The following NHSL3 variants were observed in gnomAD, a reference collection of about 807,000 sequenced individuals.
NHSL3 encodes NHS like 3, also known as NHS-like protein 3.
chr1:32,766,494 C>T, the NHSL3 span, among the ~76,000 whole-genome samples: 1 of 152,056 alleles, frequency 6.6e-6, no homozygotes, highest in African/African-American at 2.4e-5. Context: ...ACCGTTTCCC[C>T]ACTTGTAAAA....
At chr1:32,745,635 A>T in the NHSL3 span, among the ~76,000 whole-genome samples, 2 of 151,440 alleles carry the variant, frequency 1.3e-5, no homozygotes, top group African/African-American at 4.9e-5. Flanking sequence ...CTGGCAGGTT[A>T]TTCACCCCTC....
the NHSL3 span, among the ~76,000 whole-genome samples, chr1:32,757,726 G>A: frequency 5.9e-5 from 9 of 152,270 alleles, no homozygotes; most frequent in East Asian, 5.8e-4. Flanking sequence ...AGCTGAGTTC[G>A]GAGAAGTGAA....
At chr1:32,749,435 A>C in the NHSL3 span, among the ~76,000 whole-genome samples, 1 of 152,170 alleles carries the variant, frequency 6.6e-6, no homozygotes, top group African/African-American at 2.4e-5. Context: ...AGAGATGGGC[A>C]TCTCCGGATC....
chr1:32,749,812 T>C, the NHSL3 span, among the ~76,000 whole-genome samples: 24 of 152,168 alleles, frequency 1.6e-4, no homozygotes, highest in African/African-American at 5.8e-4. Flanking sequence ...TCTCAATCAG[T>C]GTGCTCTCCC....
At chr1:32,751,976 G>T in the NHSL3 span, among the ~76,000 whole-genome samples, 1 of 152,116 alleles carries the variant, frequency 6.6e-6, no homozygotes, top group Admixed American at 6.6e-5. Flanking sequence ...AAGAAATTTA[G>T]ACTTTATCCT....
the NHSL3 span, among the ~76,000 whole-genome samples, chr1:32,749,273 G>A: frequency 6.6e-6 from 1 of 152,148 alleles, no homozygotes; most frequent in Non-Finnish European, 1.5e-5. Context: ...TGGCTATCTG[G>A]GGTTCCGTGG....
At chr1:32,757,338 G>A in the NHSL3 span, among the ~76,000 whole-genome samples, 9 of 151,952 alleles carry the variant, frequency 5.9e-5, no homozygotes, top group South Asian at 2.1e-4. Flanking sequence ...TAGGGTGGGG[G>A]CAGGTGCAGG....
At chr1:32,770,729 G>A in the NHSL3 span, 6 of 1,552,918 alleles carry the variant, frequency 3.9e-6, no homozygotes, top group Non-Finnish European at 5.2e-6. The surrounding 1 kb of genome is among the most constrained non-coding windows in gnomAD (Gnocchi z 8.3). Flanking sequence ...GTGCCTGATG[G>A]GCCATTAGGG....
the NHSL3 span, among the ~76,000 whole-genome samples, chr1:32,748,885 T>A: frequency 6.6e-6 from 1 of 151,886 alleles, no homozygotes; most frequent in Non-Finnish European, 1.5e-5. Context: ...CTGCTCTGTC[T>A]CCCCCAGACC....
chr1:32,774,263 G>C, the NHSL3 span: 1 of 152,374 alleles, frequency 6.6e-6, no homozygotes, highest in Non-Finnish European at 1.5e-5. Context: ...CCACCAAGGA[G>C]AGAGGTTGAC....
the NHSL3 span, among the ~76,000 whole-genome samples, chr1:32,752,278 A>T: frequency 6.6e-6 from 1 of 152,170 alleles, no homozygotes; most frequent in East Asian, 1.9e-4. Flanking sequence ...TTTGACTCTC[A>T]CATTTTGCAG....
At chr1:32,770,905 C>T in the NHSL3 span, 12 of 1,610,486 alleles carry the variant, frequency 7.5e-6, no homozygotes, top group South Asian at 4.4e-5. The surrounding 1 kb of genome is among the most constrained non-coding windows in gnomAD (Gnocchi z 8.3). Flanking sequence ...GTCCCCAGAA[C>T]GGACACTTTC....
the NHSL3 span, among the ~76,000 whole-genome samples, chr1:32,756,341 G>A: frequency 6.6e-6 from 1 of 151,924 alleles, no homozygotes; most frequent in East Asian, 1.9e-4. Flanking sequence ...GGGTATGGCC[G>A]TGAGTAAAGG....
chr1:32,765,674 A>G, the NHSL3 span: 1 of 1,536,856 alleles, frequency 6.5e-7, no homozygotes, highest in Non-Finnish European at 8.7e-7. Context: ...GAGGGCTCGC[A>G]TCCCCATAGT....
At chr1:32,773,405 CCCTCCTGCCCA>C in the NHSL3 span, 4 of 170,300 alleles carry the variant, frequency 2.3e-5, no homozygotes, top group Non-Finnish European at 3.9e-5. Context: ...CCAGTCTGTG[CCCTCCTGCCCA>C]GTCCAGTTTA....
the NHSL3 span, among the ~76,000 whole-genome samples, chr1:32,742,858 A>G: frequency 1.3e-5 from 2 of 152,148 alleles, no homozygotes; most frequent in Non-Finnish European, 2.9e-5. Flanking sequence ...GAAACATGCC[A>G]GTGTCGGAAG....
the NHSL3 span, among the ~76,000 whole-genome samples, chr1:32,752,345 A>C: frequency 6.6e-6 from 1 of 152,118 alleles, no homozygotes; most frequent in Non-Finnish European, 1.5e-5. Context: ...GGTATAGTGG[A>C]GGGGCTTGTT....
chr1:32,763,441 C>A, the NHSL3 span, among the ~76,000 whole-genome samples: 2 of 152,206 alleles, frequency 1.3e-5, no homozygotes, highest in African/African-American at 2.4e-5. Flanking sequence ...TCCTTGAAAT[C>A]CACCACTCCT....
chr1:32,754,123 A>G, the NHSL3 span: 1 of 711,234 alleles, frequency 1.4e-6, no homozygotes. Context: ...GAAGGCCCCC[A>G]GCGGTCCCCG....
Sources: allele counts gnomAD v4.1 joint callset (sites outside exome capture counted in the v4.1 genomes callset), GRCh38; gene constraint gnomAD v4.1.1; non-coding constraint Gnocchi (gnomAD v3.1); transcripts MANE v1.5; gene names NCBI Gene and HGNC (gene_info 2026-07-23, HGNC 2026-07-21).